Variants in ATP2C1 observed in about 807,000 individuals in gnomAD.
ATP2C1 encodes calcium-transporting ATPase type 2C member 1.
Under a neutral mutation model 120.5 loss-of-function variants are expected in ATP2C1, and 31 were observed. The ratio of observed to expected loss-of-function variants is 0.26; its 90% CI spans 0.19 to 0.35. The LOEUF (loss-of-function observed/expected upper bound fraction) is 0.35. ATP2C1 is among the 10% of genes least tolerant of loss of function. The probability of loss-of-function intolerance (pLI) is 1.00; values close to 1 mark genes in which losing one functional copy is unlikely to be tolerated. For synonymous variants in ATP2C1, 351 were observed against 358.7 expected, an observed-to-expected ratio of 0.98 and a Z score of 0.24; for missense variants, 731 against 1,107.5, an observed-to-expected ratio of 0.66 and a Z score of 4.83.
chr3:130,874,075 A>G (rs1047031424), intron 1 of ATP2C1, among the ~76,000 whole-genome samples: 3 of 151,196 alleles, frequency 2.0e-5, no homozygotes, highest in Non-Finnish European at 4.4e-5. Flanking sequence ...ACACCACTGC[A>G]CTCCTGCCTG....
intron 9 of ATP2C1, 69 bp from the exon 10 acceptor site, chr3:130,954,941 ATG>A (rs1346522270): frequency 4.1e-5 from 42 of 1,015,488 alleles, no homozygotes; most frequent in Non-Finnish European, 5.5e-5. Flanking sequence ...AAGTTGTTGG[ATG>A]TGTGTGTGTA....
intron 6 of ATP2C1, among the ~76,000 whole-genome samples, chr3:130,938,790 T>G (rs1405983287): frequency 2.0e-5 from 3 of 152,208 alleles, no homozygotes; most frequent in Non-Finnish European, 4.4e-5. Context: ...GTCAGATATG[T>G]GGAGTGCCCT....
Position 130,965,108 on chromosome 3 carries a change from C to G in ATP2C1, c.1122+63C>G, listed in dbSNP as rs1027419555. ...TCCCTTTAAGAAACTTGGTGTTTAACATTCCTAACAGTTCCAGTGTCTTAC... is the reference window on the plus strand; with the variant it reads ...TCCCTTTAAGAAACTTGGTGTTTAAGATTCCTAACAGTTCCAGTGTCTTAC... On this transcript the variant is annotated intron_variant, in intron 14 of 27. Transcript: ENST00000510168. 18 of 1,124,168 alleles carry G rather than the reference C, an allele frequency of 1.6e-5. No homozygotes were observed. In the African/African-American group the frequency reaches 2.1e-4, roughly 13 times the overall value. The allele number at this position is 1,124,168 out of a possible 1,614,324, so 69.6% of individuals were successfully genotyped here.
At chr3:130,972,505 G>A (rs953175086) in intron 17 of ATP2C1, among the ~76,000 whole-genome samples, 1 of 150,002 alleles carries the variant, frequency 6.7e-6, no homozygotes, top group African/African-American at 2.5e-5. Context: ...TAAGTTTTAG[G>A]GTACATGTGC....
chr3:130,892,637 G>A (rs897555018), upstream of ATP2C1, among the ~76,000 whole-genome samples: 3 of 145,186 alleles, frequency 2.1e-5, no homozygotes, highest in Admixed American at 7.0e-5. Flanking sequence ...AACCCCGTCC[G>A]TTAATTTGGC....
chr3:130,884,300 C>T (rs1213950269), intron 1 of ATP2C1, among the ~76,000 whole-genome samples: 4 of 152,154 alleles, frequency 2.6e-5, no homozygotes, highest in Admixed American at 1.3e-4. Context: ...TGAATTTCCA[C>T]GTATCTGTAT....
chr3:130,850,720 C>A, exon 1 of ATP2C1: 1 of 536,172 alleles, frequency 1.9e-6, no homozygotes, highest in Admixed American at 3.8e-5. Context: ...AGTTGTCGAG[C>A]TACAAACAAA....
chr3:130,976,602 T>C (rs922111643), intron 18 of ATP2C1, among the ~76,000 whole-genome samples: 2 of 152,178 alleles, frequency 1.3e-5, no homozygotes, highest in African/African-American at 4.8e-5. Context: ...TCCTTCCCCC[T>C]TTCCCCTTTT....
chr3:131,013,074 GTTGAGTATATT>G lies in ATP2C1; in HGVS notation c.2630-3075_2630-3065del, dbSNP rs996162897. ...TTGTATGAATACAAGTAAAATGAAG[GTTGAGTATATT>G]TTCAGATCTTGCCCAATGCATTTAT... On this transcript the variant is annotated intron_variant, in intron 26 of 26. Coordinates refer to the ATP2C1 transcript ENST00000328560. Among the ~76,000 whole-genome samples, 17 of 152,246 alleles carry G rather than the reference GTTGAGTATATT, an allele frequency of 1.1e-4. No homozygotes were observed. The East Asian group carries it at 3.3e-3, about 29-fold the overall frequency.
chr3:130,965,901 C>T (rs912657153), intron 14 of ATP2C1, among the ~76,000 whole-genome samples: 10 of 151,850 alleles, frequency 6.6e-5, no homozygotes, highest in Non-Finnish European at 1.2e-4. Context: ...AATAAATACT[C>T]GATAAATGAA....
intron 26 of ATP2C1, 48 bp from the exon 27 acceptor site, chr3:130,999,470 A>T: frequency 6.2e-7 from 1 of 1,604,236 alleles, no homozygotes; most frequent in Non-Finnish European, 8.5e-7. Flanking sequence ...TAAAGAAGTT[A>T]TTTCTGTGAC....
Position 130,894,321 on chromosome 3 carries a change from G to T in ATP2C1, c.-197G>T. On this transcript the variant is annotated 5_prime_UTR_variant, in exon 1 of 28. Coordinates refer to ENST00000510168, the MANE Select transcript of ATP2C1 (RefSeq NM_001378687.1). The surrounding 1 kb of genome is among the most constrained non-coding windows in gnomAD (Gnocchi z 4.5). ...CTGAGACCCCGCAGCCTGGAGGAGG[G>T]CTGTCCGGGGCTTTGGGTGGGTACC... The T allele has an allele frequency of 1.0e-5, 10 of 991,722 alleles. No individual in the cohort carries two copies. The South Asian group carries it at 4.0e-4, about 40-fold the overall frequency. The allele number at this position is 991,722 out of a possible 1,614,324, so 61.4% of individuals were successfully genotyped here. A position where few individuals can be genotyped will look rare whatever the true frequency, so the allele number is the denominator to read the frequency against.
In ATP2C1 at chr3:131,002,970, G is replaced by A. The variant is rs546205261; in HGVS notation, c.*1620G>A. ...TCAACTCTATCATTAGTGACTTGAT[G>A]TCTCATACCTTAATTTTGTAATGAT... On this transcript the variant is annotated 3_prime_UTR_variant, in exon 28 of 28. Transcript: ENST00000510168. The A allele has an allele frequency of 1.0e-6, 1 of 985,426 alleles. No individual in the cohort carries two copies. The highest frequency in any genetic ancestry group is 4.7e-5 in the South Asian group (1 of 21,286). 61.0% of individuals were successfully genotyped at this position (985,426 alleles called of 1,614,324 possible). A position where few individuals can be genotyped will look rare whatever the true frequency, so the allele number is the denominator to read the frequency against.
intron 20 of ATP2C1, among the ~76,000 whole-genome samples, chr3:130,985,203 A>G (rs1227069949): frequency 1.3e-5 from 2 of 152,246 alleles, no homozygotes; most frequent in Admixed American, 1.3e-4. Flanking sequence ...AACATGCATA[A>G]AACAAATTAG....
chr3:130,996,260 C>T, intron 23 of ATP2C1, 149 bp downstream of exon 23: 1 of 683,672 alleles, frequency 1.5e-6, no homozygotes, highest in Non-Finnish European at 2.6e-6. Context: ...TTATTGTATT[C>T]TGAAATTTTA....
At chr3:130,970,527 G>A (rs953433367) in intron 17 of ATP2C1, among the ~76,000 whole-genome samples, 2 of 151,906 alleles carry the variant, frequency 1.3e-5, no homozygotes, top group Non-Finnish European at 2.9e-5. Context: ...CAAGTAGCTG[G>A]GACTGTAAGC....
chr3:130,913,626 T>C (rs963248113), intron 2 of ATP2C1, among the ~76,000 whole-genome samples: 12 of 152,170 alleles, frequency 7.9e-5, no homozygotes, highest in Non-Finnish European at 1.8e-4. Context: ...TTTTGGTGTG[T>C]GTATGGGGGA....
chr3:130,927,734 C>T (rs2059279016), intron 2 of ATP2C1: 1 of 152,284 alleles, frequency 6.6e-6, no homozygotes, highest in South Asian at 2.1e-4. Flanking sequence ...AGTTCACACG[C>T]CATGCAATGT....
chr3:130,894,362 C>T lies in ATP2C1; in HGVS notation c.-181+25C>T. 2 of 1,097,096 alleles carry T rather than the reference C, an allele frequency of 1.8e-6. No individual in the cohort carries two copies. The highest frequency in any genetic ancestry group is 2.2e-6 in the Non-Finnish European group (2 of 893,984). 68.0% of individuals were successfully genotyped at this position (1,097,096 alleles called of 1,614,324 possible). On this transcript the variant is annotated intron_variant, in intron 1 of 27. Transcript: ENST00000510168. The surrounding 1 kb of genome is among the most constrained non-coding windows in gnomAD (Gnocchi z 4.5). ...GGTGGGTACCAGTATTACCTCCTGC[C>T]CCCATTTCTAGAAACTTCCAGGTTC...
Sources: gnomAD v4.1 joint callset for allele counts (sites outside exome capture counted in the v4.1 genomes callset) on GRCh38, gnomAD v4.1.1 for gene constraint, Gnocchi (gnomAD v3.1) non-coding constraint, MANE v1.5 for transcripts, NCBI Gene and HGNC (gene_info 2026-07-23, HGNC 2026-07-21) for gene names.